The following ADHFE1 variants were observed in gnomAD, a reference collection of about 807,000 sequenced individuals.
ADHFE1 encodes the protein alcohol dehydrogenase iron containing 1.
In ADHFE1, 37 loss-of-function variants were observed where a neutral mutation model predicts 54.8. The ratio of observed to expected loss-of-function variants is 0.68; its 90% CI spans 0.52 to 0.89. The LOEUF (loss-of-function observed/expected upper bound fraction) is 0.89, where lower values mean the gene tolerates loss of function less well. ADHFE1 is among the 40% of genes least tolerant of loss of function. The pLI is 0.00. For synonymous variants in ADHFE1, 203 were observed against 229.3 expected (o/e 0.89, Z 1.04); for missense variants, 601 against 591.2 (o/e 1.02, Z -0.17).
intron 1 of ADHFE1, among the ~76,000 whole-genome samples, chr8:66,433,120 A>G (rs566108025): frequency 9.2e-5 from 14 of 152,248 alleles, no homozygotes; most frequent in African/African-American, 2.6e-4. Context: ...AGGGTATTCA[A>G]TGTCATGACA....
chr8:66,457,231 C>T (rs551603782), intron 12 of ADHFE1, 65 bp downstream of exon 12: 2 of 1,487,170 alleles, frequency 1.3e-6, no homozygotes, highest in South Asian at 1.2e-5. Context: ...GTAATCCCAG[C>T]ATTTTGGGAG....
At chr8:66,443,685 G>A (rs1805883941) in intron 3 of ADHFE1, among the ~76,000 whole-genome samples, 1 of 152,048 alleles carries the variant, frequency 6.6e-6, no homozygotes, top group Non-Finnish European at 1.5e-5. Flanking sequence ...CCCCATCTAA[G>A]GTGTGACTCC....
chr8:66,444,751 A>G lies in ADHFE1; in HGVS notation c.353+3A>G. 1 of 1,613,708 alleles carries G rather than the reference A, an allele frequency of 6.2e-7. No individual in the cohort carries two copies. The highest frequency in any genetic ancestry group is 8.5e-7 in the Non-Finnish European group (1 of 1,179,874). On this transcript the variant is annotated splice_donor_region_variant and intron_variant, in intron 5 of 13. Transcript: ENST00000396623. ...AGAGTGGAACCAACGGATTCAAGGTATTCTTGTATTGTTGTTATTGTTTCT... is the reference window on the plus strand; with the variant it reads ...AGAGTGGAACCAACGGATTCAAGGTGTTCTTGTATTGTTGTTATTGTTTCT...
chr8:66,449,390 G>A (rs1027575606), intron 8 of ADHFE1, among the ~76,000 whole-genome samples: 1 of 152,202 alleles, frequency 6.6e-6, no homozygotes, highest in African/African-American at 2.4e-5. Context: ...AATGCCCAAG[G>A]CTTCATGTCA....
Position 66,442,812 on chromosome 8 carries a change from CCTT to C in ADHFE1, c.115_117del (p.Ser39del). ...TACATTTCTAGCCCCTGGACTTTCA[CCTT>C]CTGGGAAAACAACAGATTATGCCTT... is the stretch of plus-strand genomic sequence containing the variant. On this transcript the variant is annotated inframe_deletion, in exon 3 of 14. Transcript: ENST00000396623. 6.3e-7 allele frequency: 1 copy of C among 1,595,698 alleles called. No homozygotes were observed. Among genetic ancestry groups the C allele is most frequent in the South Asian group, 1.2e-5 (1 of 86,196 alleles).
chr8:66,457,013 TATGCA>T (rs1806622591), intron 11 of ADHFE1, 52 bp from the exon 12 acceptor site: 2 of 1,563,438 alleles, frequency 1.3e-6, no homozygotes, highest in African/African-American at 2.7e-5. Flanking sequence ...ACATCTAGAA[TATGCA>T]GGGAAGAACA....
At position 66,468,299 on chromosome 8, in the gene ADHFE1, C is replaced by T. The variant is rs1457795638; in HGVS notation, c.1351C>T (p.Gln451Ter). 5 of 1,613,366 alleles carry T rather than the reference C, an allele frequency of 3.1e-6. No individual in the cohort carries two copies. The highest frequency in any genetic ancestry group is 1.3e-5 in the African/African-American group (1 of 74,980). Residue 451 changes from glutamine (Q) to a stop codon, truncating the protein, a stop_gained, in exon 14 of 14, where the codon CAG (glutamine) becomes TAG (stop). Transcript: ENST00000396623. LOFTEE classifies it high-confidence loss of function. ...ERVTKLAPCP[Q>*]SEEDLAALFE... The stretch of plus-strand genomic sequence containing the variant: ...GGTCACCAAGCTTGCACCCTGTCCC[C>T]AGTCAGAAGAGGATCTGGCTGCTCT...
rs560320936 is a variant in ADHFE1 at position 66,438,426 on chromosome 8, G to C, written c.60-1736G>C. On this transcript the variant is annotated intron_variant, in intron 1 of 13. Transcript: ENST00000396623. ...CAGAGTGGAAAAGGAGCCAGTAAAAGAACAATTAGAGGAAGCCCAGACAAG... is the reference window on the plus strand; with the variant it reads ...CAGAGTGGAAAAGGAGCCAGTAAAACAACAATTAGAGGAAGCCCAGACAAG... Among the ~76,000 whole-genome samples, 5 of 152,302 alleles carry C rather than the reference G, an allele frequency of 3.3e-5. No individual in the cohort carries two copies. The East Asian group carries it at 9.6e-4, about 29-fold the overall frequency.
intron 1 of ADHFE1, 112 bp from the exon 2 acceptor site, chr8:66,440,050 A>G (rs941153372): frequency 1.6e-5 from 17 of 1,055,692 alleles, no homozygotes; most frequent in East Asian, 2.4e-5. Flanking sequence ...AGAACTACCA[A>G]TTTGATAGCA....
At chr8:66,452,434 G>A (rs1806348869) in intron 9 of ADHFE1, among the ~76,000 whole-genome samples, 1 of 152,224 alleles carries the variant, frequency 6.6e-6, no homozygotes, top group African/African-American at 2.4e-5. Flanking sequence ...TGCCCATCCA[G>A]GCCCTGTCCG....
rs773047527 is a variant in ADHFE1, at chr8:66,460,367, C to T, written c.1222C>T (p.Arg408Trp). Residue 408 changes from arginine (R) to tryptophan (W), a missense_variant, in exon 13 of 14, where the codon CGG (arginine) becomes TGG (tryptophan). By Grantham distance (101) the Arg-to-Trp change is moderately radical. Coordinates refer to ENST00000396623, the MANE Select transcript of ADHFE1 (RefSeq NM_144650.3). ...DAGLVLADTL[R>W]KFLFDLDVDD... is the part of the protein sequence containing the mutation. ...AGGGCTGGTGTTGGCAGACACGCTCCGGAAATTCTTATTCGATCTGGATGT... is the reference window on the plus strand; with the variant it reads ...AGGGCTGGTGTTGGCAGACACGCTCTGGAAATTCTTATTCGATCTGGATGT... The T allele has an allele frequency of 1.4e-5, 22 of 1,614,132 alleles. No homozygotes were observed. Among genetic ancestry groups the T allele is most frequent in the Middle Eastern group, 1.7e-4 (1 of 6,056 alleles).
At chr8:66,468,197 T>G (rs550828432) in intron 13 of ADHFE1, 72 bp from the exon 14 acceptor site, 1 of 1,166,228 alleles carries the variant, frequency 8.6e-7, no homozygotes, top group African/African-American at 1.6e-5. Flanking sequence ...CCAAGTTAAT[T>G]TCCATAACTT....
In ADHFE1 at chr8:66,440,196, C is replaced by T; in HGVS notation, c.94C>T (p.Gln32Ter). ...QCPTHSHTYS[Q>*]APGLSPSGKT... ...CCCAACTCATTCTCATACTTACTCC[C>T]AAGGTAATACTTCTGTATTTTTAAA... is the stretch of plus-strand genomic sequence containing the variant. Residue 32 changes from glutamine (Q) to a stop codon, truncating the protein, a stop_gained, in exon 2 of 14, where the codon CAA becomes TAA. Transcript: ENST00000396623. LOFTEE classifies it high-confidence loss of function. 3 of 1,611,826 alleles carry T rather than the reference C, an allele frequency of 1.9e-6. No homozygotes were observed. The highest frequency in any genetic ancestry group is 2.5e-6 in the Non-Finnish European group (3 of 1,179,338).
At chr8:66,464,384 C>T (rs976874883) in intron 13 of ADHFE1, among the ~76,000 whole-genome samples, 1 of 152,172 alleles carries the variant, frequency 6.6e-6, no homozygotes, top group Non-Finnish European at 1.5e-5. Context: ...CACCGCTCCA[C>T]CAAAGATAAA....
intron 10 of ADHFE1, among the ~76,000 whole-genome samples, chr8:66,456,529 A>T (rs1026079086): frequency 2.6e-5 from 4 of 152,252 alleles, no homozygotes; most frequent in African/African-American, 9.6e-5. Context: ...TGAGATCGTA[A>T]TGTTAACTAA....
intron 8 of ADHFE1, among the ~76,000 whole-genome samples, chr8:66,451,507 C>T (rs1806301489): frequency 6.6e-6 from 1 of 152,122 alleles, no homozygotes; most frequent in Admixed American, 6.5e-5. Flanking sequence ...TATTCTCACT[C>T]ATTACACTGT....
chr8:66,439,557 G>A lies in ADHFE1; in HGVS notation c.60-605G>A. On this transcript the variant is annotated intron_variant, in intron 1 of 13. Transcript: ENST00000396623. The surrounding 1 kb of genome is among the most constrained non-coding windows in gnomAD (Gnocchi z 4.4). Reference sequence around the variant, plus strand: ...GCGCACCGGGTGTGCGCGCAGCTGGGGCCTCTGGGGAGCGGCGCGGCGGGG... The same window carrying A: ...GCGCACCGGGTGTGCGCGCAGCTGGAGCCTCTGGGGAGCGGCGCGGCGGGG... 1.0e-6 allele frequency: 1 copy of A among 985,904 alleles called. No homozygotes were observed. The highest frequency in any genetic ancestry group is 1.2e-6 in the Non-Finnish European group (1 of 830,268). 61.1% of individuals were successfully genotyped at this position (985,904 alleles called of 1,614,324 possible).
At chr8:66,442,071 T>A (rs1253048156) in intron 2 of ADHFE1, among the ~76,000 whole-genome samples, 2 of 152,252 alleles carry the variant, frequency 1.3e-5, no homozygotes, top group East Asian at 1.9e-4. Flanking sequence ...AAGTTATCCC[T>A]ATGAATTAAA....
chr8:66,458,307 ATCC>A (rs1806703127), intron 12 of ADHFE1, among the ~76,000 whole-genome samples: 2 of 152,220 alleles, frequency 1.3e-5, no homozygotes, highest in Admixed American at 1.3e-4. Context: ...GACCGCAGAC[ATCC>A]TCCTGCAGGA....
Sources: gnomAD v4.1 joint callset for allele counts (sites outside exome capture counted in the v4.1 genomes callset) on GRCh38, gnomAD v4.1.1 for gene constraint, Gnocchi (gnomAD v3.1) non-coding constraint, MANE v1.5 for transcripts, NCBI Gene and HGNC (gene_info 2026-07-23, HGNC 2026-07-21) for gene names.